TNFAIP8: variants seen among roughly 807,000 people sequenced by gnomAD.
The protein encoded by TNFAIP8 is TNF alpha induced protein 8.
A neutral mutation model predicts 13.3 loss-of-function variants in TNFAIP8; 7 were observed. The ratio of observed to expected loss-of-function variants is 0.52; its 90% CI spans 0.30 to 0.99. TNFAIP8 has a LOEUF of 0.99. TNFAIP8 is among the 50% of genes least tolerant of loss of function. TNFAIP8 has a pLI of 0.07. For missense variants in TNFAIP8, 258 were observed against 236.9 expected (o/e 1.09, Z -0.58); for synonymous variants, 94 against 87.6 (o/e 1.07, Z -0.41).
intron 1 of TNFAIP8, among the ~76,000 whole-genome samples, chr5:119,334,291 T>C (rs1323658403): frequency 1.3e-5 from 2 of 152,232 alleles, no homozygotes; most frequent in Non-Finnish European, 2.9e-5. Flanking sequence ...AGGATTAGAA[T>C]AGAGTGTTTT....
At chr5:119,296,105 G>A (rs1391248833) in intron 1 of TNFAIP8, among the ~76,000 whole-genome samples, 1 of 148,498 alleles carries the variant, frequency 6.7e-6, no homozygotes, top group Non-Finnish European at 1.5e-5. Context: ...TTTCCTAATT[G>A]AATACCCTTT....
At chr5:119,338,914 G>T (rs1750644879) in intron 1 of TNFAIP8, among the ~76,000 whole-genome samples, 1 of 152,156 alleles carries the variant, frequency 6.6e-6, no homozygotes, top group Non-Finnish European at 1.5e-5. Context: ...TGGCATGGTG[G>T]TGTGTACCTG....
chr5:119,329,113 G>A (rs1022948453), intron 1 of TNFAIP8, among the ~76,000 whole-genome samples: 1 of 152,262 alleles, frequency 6.6e-6, no homozygotes, highest in Admixed American at 6.5e-5. Context: ...CTCACAGCTA[G>A]TGGTGGGATT....
At chr5:119,312,497 G>A (rs1388415077) in intron 1 of TNFAIP8, among the ~76,000 whole-genome samples, 1 of 152,174 alleles carries the variant, frequency 6.6e-6, no homozygotes, top group Admixed American at 6.5e-5. Flanking sequence ...TCAGTGGGAA[G>A]TAGTGGTTGA....
upstream of TNFAIP8, chr5:119,355,887 A>G (rs1289864831): frequency 6.7e-6 from 8 of 1,195,970 alleles, no homozygotes; most frequent in Non-Finnish European, 8.4e-6. Context: ...CGCCCAGCTG[A>G]CACGCGATTC....
At chr5:119,338,547 G>A (rs1208613579) in intron 1 of TNFAIP8, among the ~76,000 whole-genome samples, 1 of 152,204 alleles carries the variant, frequency 6.6e-6, no homozygotes, top group African/African-American at 2.4e-5. Flanking sequence ...GGCCTTTGTT[G>A]GACAGCAGGC....
chr5:119,295,598 G>A (rs1327029022), intron 1 of TNFAIP8, among the ~76,000 whole-genome samples: 2 of 152,098 alleles, frequency 1.3e-5, no homozygotes, highest in Non-Finnish European at 2.9e-5. Context: ...GCTTAGGATT[G>A]ACTTGGCTAT....
intron 1 of TNFAIP8, among the ~76,000 whole-genome samples, chr5:119,314,901 T>G (rs1749838827): frequency 6.6e-6 from 1 of 152,196 alleles, no homozygotes; most frequent in Non-Finnish European, 1.5e-5. Context: ...ATTATTTATT[T>G]TTTTTCATTA....
At chr5:119,374,308 A>G (rs1254763338) in intron 1 of TNFAIP8, among the ~76,000 whole-genome samples, 1 of 152,130 alleles carries the variant, frequency 6.6e-6, no homozygotes, top group Non-Finnish European at 1.5e-5. Flanking sequence ...TGAGTGCCAT[A>G]TCAGCTCTCA....
chr5:119,297,272 T>C (rs1487242111), intron 1 of TNFAIP8, among the ~76,000 whole-genome samples: 3 of 152,214 alleles, frequency 2.0e-5, no homozygotes, highest in African/African-American at 7.2e-5. Flanking sequence ...TACACACTGC[T>C]TTGAAAGTGT....
chr5:119,294,367 A>G (rs1207991944), intron 1 of TNFAIP8, among the ~76,000 whole-genome samples: 1 of 152,066 alleles, frequency 6.6e-6, no homozygotes, highest in Non-Finnish European at 1.5e-5. Flanking sequence ...CCCTACAAAG[A>G]ACATGAACTC....
intron 1 of TNFAIP8, among the ~76,000 whole-genome samples, chr5:119,305,804 C>T (rs931298469): frequency 1.3e-5 from 2 of 152,140 alleles, no homozygotes; most frequent in Non-Finnish European, 2.9e-5. Context: ...TATGGGTAGG[C>T]CAGAGGAACC....
chr5:119,321,879 A>G (rs1581603027), intron 1 of TNFAIP8, among the ~76,000 whole-genome samples: 3 of 152,198 alleles, frequency 2.0e-5, no homozygotes. Context: ...CAGGAGCTAC[A>G]GGCTCCCCTT....
chr5:119,301,667 G>T (rs1749399102), intron 1 of TNFAIP8, among the ~76,000 whole-genome samples: 1 of 152,146 alleles, frequency 6.6e-6, no homozygotes, highest in Admixed American at 6.5e-5. Flanking sequence ...TGTGATTTAT[G>T]ATTTTTGAAA....
At position 119,395,958 on chromosome 5, in the gene TNFAIP8, A is replaced by G. The variant is rs1753063258; in HGVS notation, c.*2577A>G. The stretch of plus-strand genomic sequence containing the variant: ...TCTGCAAAAATTATGAGTGGATATG[A>G]TAAGTGGATGATAATACTAATGGAC... On this transcript the variant is annotated 3_prime_UTR_variant, in exon 2 of 2. Coordinates refer to ENST00000504771, the MANE Select transcript of TNFAIP8 (RefSeq NM_014350.4). 6.6e-6 allele frequency: 1 copy of G among 152,210 alleles called. No homozygotes were observed. Among genetic ancestry groups the G allele is most frequent in the Non-Finnish European group, 1.5e-5 (1 of 68,030 alleles). The allele number at this position is 152,210 out of a possible 1,614,324, so 9.4% of individuals were successfully genotyped here.
At chr5:119,294,587 T>C (rs1458187353) in intron 1 of TNFAIP8, among the ~76,000 whole-genome samples, 8 of 152,154 alleles carry the variant, frequency 5.3e-5, no homozygotes, top group Non-Finnish European at 1.2e-4. Context: ...GGTCAAATGG[T>C]ATTTCTAGAT....
chr5:119,314,907 C>A (rs6867214), intron 1 of TNFAIP8, among the ~76,000 whole-genome samples: 33 of 151,858 alleles, frequency 2.2e-4, no homozygotes, highest in African/African-American at 7.0e-4. Flanking sequence ...TATTTTTTTT[C>A]ATTATTTTCT....
chr5:119,363,076 G>T (rs567810239), intron 1 of TNFAIP8, among the ~76,000 whole-genome samples: 1 of 152,328 alleles, frequency 6.6e-6, no homozygotes, highest in South Asian at 2.1e-4. Flanking sequence ...ACAAAGGAGA[G>T]AGGTAGATGG....
rs1054698266 is a variant in TNFAIP8 at position 119,395,990 on chromosome 5, C to T, written c.*2609C>T. The stretch of plus-strand genomic sequence containing the variant: ...GATGATAATACTAATGGACAACTAA[C>T]GCAGAGTAGTTTGTATTATGTGTCG... On this transcript the variant is annotated 3_prime_UTR_variant, in exon 2 of 2. Transcript: ENST00000504771. 1.3e-4 allele frequency: 20 copies of T among 152,114 alleles called. No homozygotes were observed. The highest frequency in any genetic ancestry group is 1.6e-4 in the Non-Finnish European group (11 of 68,034). 9.4% of individuals were successfully genotyped at this position (152,114 alleles called of 1,614,324 possible). A position where few individuals can be genotyped will look rare whatever the true frequency, so the allele number is the denominator to read the frequency against.
Sources: allele counts gnomAD v4.1 joint callset (sites outside exome capture counted in the v4.1 genomes callset), GRCh38; gene constraint gnomAD v4.1.1; transcripts MANE v1.5; gene names NCBI Gene and HGNC (gene_info 2026-07-23, HGNC 2026-07-21).